The following SLC9A8 variants were observed in gnomAD, a reference collection of about 807,000 sequenced individuals.
SLC9A8 encodes the protein sodium/hydrogen exchanger 8.
Under a neutral mutation model 66.6 loss-of-function variants are expected in SLC9A8, and 48 were observed. The observed-to-expected ratio is 0.72, with a 90% CI of 0.57 to 0.92. The LOEUF (loss-of-function observed/expected upper bound fraction) is 0.92. SLC9A8 is among the 40% of genes least tolerant of loss of function. SLC9A8 has a pLI of 0.00. For missense variants in SLC9A8, 599 were observed against 747.3 expected (o/e 0.80, Z 2.31); for synonymous variants, 274 against 282.6 (o/e 0.97, Z 0.31).
intron 3 of SLC9A8, among the ~76,000 whole-genome samples, chr20:49,824,960 A>G (rs527576001): frequency 2.7e-4 from 41 of 152,316 alleles, no homozygotes; most frequent in Admixed American, 2.4e-3. Context: ...CCTCTCAGAT[A>G]GTAATGAGAC....
intron 3 of SLC9A8, among the ~76,000 whole-genome samples, chr20:49,825,216 A>T (rs1037905141): frequency 6.6e-6 from 1 of 152,198 alleles, no homozygotes; most frequent in Non-Finnish European, 1.5e-5. Context: ...GTTGACTTGG[A>T]ATAAAGAAAA....
At chr20:49,822,073 C>T (rs148232670) in intron 2 of SLC9A8, among the ~76,000 whole-genome samples, 75 of 152,122 alleles carry the variant, frequency 4.9e-4, no homozygotes, top group African/African-American at 6.0e-4. Context: ...CAGCTAATTC[C>T]GAGGGAAGTT....
intron 3 of SLC9A8, among the ~76,000 whole-genome samples, chr20:49,834,660 T>G (rs1276089816): frequency 1.3e-5 from 2 of 151,772 alleles, no homozygotes; most frequent in African/African-American, 4.8e-5. Context: ...ATTATTTAAG[T>G]AATAATAACA....
At chr20:49,875,838 C>A (rs1276278869) in intron 11 of SLC9A8, among the ~76,000 whole-genome samples, 1 of 152,020 alleles carries the variant, frequency 6.6e-6, no homozygotes, top group Non-Finnish European at 1.5e-5. Flanking sequence ...GGGTTCATGC[C>A]ATTCTCCTAC....
chr20:49,844,338 T>A lies in SLC9A8; in HGVS notation c.349-698T>A, dbSNP rs375564963. 5.3e-5 allele frequency among the ~76,000 whole-genome samples: 8 copies of A among 152,276 alleles called. 1 individual carries two copies. The highest frequency in any genetic ancestry group is 1.9e-4 in the African/African-American group (8 of 41,550). On this transcript the variant is annotated intron_variant, in intron 4 of 15. Transcript: ENST00000361573. ...GATTGTTTTAGGGCTTGCCATTACCTTTTTCCTGGAGGATTCCAATTTGTG... is the reference window on the plus strand; with the variant it reads ...GATTGTTTTAGGGCTTGCCATTACCATTTTCCTGGAGGATTCCAATTTGTG...
At chr20:49,813,329 G>A (rs75151247) in intron 1 of SLC9A8, among the ~76,000 whole-genome samples, 1 of 152,150 alleles carries the variant, frequency 6.6e-6, no homozygotes, top group Non-Finnish European at 1.5e-5. Flanking sequence ...GTCGCCTCCT[G>A]TATAACGATC....
intron 7 of SLC9A8, 34 bp from the exon 8 acceptor site, chr20:49,855,404 T>A: frequency 6.2e-7 from 1 of 1,609,214 alleles, no homozygotes; most frequent in Non-Finnish European, 8.5e-7. Context: ...GTGACACACA[T>A]TACAGAATCT....
chr20:49,840,118 G>T (rs577041821), intron 4 of SLC9A8, among the ~76,000 whole-genome samples: 2 of 152,182 alleles, frequency 1.3e-5, no homozygotes, highest in Non-Finnish European at 2.9e-5. Flanking sequence ...GATGTATTCA[G>T]TGTCACAGAG....
chr20:49,882,272 G>A (rs2089654060), intron 13 of SLC9A8, among the ~76,000 whole-genome samples: 1 of 152,214 alleles, frequency 6.6e-6, no homozygotes, highest in Non-Finnish European at 1.5e-5. Flanking sequence ...CCACGGGGCT[G>A]GAATTGGCCT....
chr20:49,825,085 G>T (rs1412993804), intron 3 of SLC9A8, among the ~76,000 whole-genome samples: 1 of 152,150 alleles, frequency 6.6e-6, no homozygotes, highest in East Asian at 1.9e-4. Flanking sequence ...AAGGATTGCC[G>T]AGGGGACAGA....
intron 12 of SLC9A8, among the ~76,000 whole-genome samples, chr20:49,880,371 G>A (rs1209714519): frequency 6.6e-6 from 1 of 152,148 alleles, no homozygotes; most frequent in Non-Finnish European, 1.5e-5. Flanking sequence ...CAGCTGGCAG[G>A]CTAAGCCGGG....
chr20:49,887,824 C>T lies in SLC9A8; in HGVS notation c.1639-5C>T. On this transcript the variant is annotated splice_region_variant and splice_polypyrimidine_tract_variant and intron_variant, in intron 15 of 15. Coordinates refer to ENST00000361573, the MANE Select transcript of SLC9A8 (RefSeq NM_015266.3). ...CTGACGGCTTGGTTGTGTCTCTCGACCCAGGACCTGCACCACGGGCGCATC... is the reference window on the plus strand; with the variant it reads ...CTGACGGCTTGGTTGTGTCTCTCGATCCAGGACCTGCACCACGGGCGCATC... 6.3e-7 allele frequency: 1 copy of T among 1,597,082 alleles called. No individual in the cohort carries two copies. Among genetic ancestry groups the T allele is most frequent in the Non-Finnish European group, 8.5e-7 (1 of 1,170,202 alleles).
chr20:49,824,059 C>T (rs762927456), intron 3 of SLC9A8, among the ~76,000 whole-genome samples: 2 of 152,160 alleles, frequency 1.3e-5, no homozygotes, highest in South Asian at 2.1e-4. Flanking sequence ...CTCCCATCAC[C>T]CCAGCAGTCC....
At chr20:49,862,827 AAT>A in intron 8 of SLC9A8, 100 bp from the exon 9 acceptor site, 1 of 861,250 alleles carries the variant, frequency 1.2e-6, no homozygotes, top group South Asian at 1.8e-5. Flanking sequence ...GGTATGAATG[AAT>A]GAATGAATGA....
rs1309344479 is a variant in SLC9A8, at chr20:49,815,121, CAG to C, written c.141_142del (p.Glu49AlafsTer61). 14 of 1,608,462 alleles carry C rather than the reference CAG, an allele frequency of 8.7e-6. No individual in the cohort carries two copies. Among genetic ancestry groups the C allele is most frequent in the African/African-American group, 2.7e-5 (2 of 74,674 alleles). ...GGCAAGCCCATCCTCCCCGTGCAGA[CAG>C]GGGAGCAGGCCCAGCAAGAGGAGCA... On this transcript the variant is annotated frameshift_variant, in exon 2 of 16. Transcript: ENST00000361573. LOFTEE classifies it high-confidence loss of function.
At chr20:49,855,302 C>T (rs570578492) in intron 7 of SLC9A8, 136 bp from the exon 8 acceptor site, 38 of 897,710 alleles carry the variant, frequency 4.2e-5, no homozygotes, top group Admixed American at 9.3e-5. Flanking sequence ...GGAAAAAATA[C>T]GCTACCTTCT....
intron 7 of SLC9A8, among the ~76,000 whole-genome samples, chr20:49,851,220 G>T (rs993116516): frequency 6.6e-6 from 1 of 152,174 alleles, no homozygotes; most frequent in Non-Finnish European, 1.5e-5. Flanking sequence ...AGATGGAGAG[G>T]GGGAGTGACG....
intron 3 of SLC9A8, among the ~76,000 whole-genome samples, chr20:49,838,295 AG>A (rs2087623540): frequency 6.6e-6 from 1 of 152,210 alleles, no homozygotes. Context: ...AACATGTAAA[AG>A]CTCCTTAAAA....
At chr20:49,854,803 G>A (rs939154001) in intron 7 of SLC9A8, among the ~76,000 whole-genome samples, 2 of 152,194 alleles carry the variant, frequency 1.3e-5, no homozygotes, top group African/African-American at 4.8e-5. Context: ...GCTTAGAACA[G>A]TGCCGGCCAT....
Sources: allele counts gnomAD v4.1 joint callset (sites outside exome capture counted in the v4.1 genomes callset), GRCh38; gene constraint gnomAD v4.1.1; transcripts MANE v1.5; gene names NCBI Gene and HGNC (gene_info 2026-07-23, HGNC 2026-07-21).